VPS13D: variants seen among roughly 807,000 people sequenced by gnomAD.
VPS13D encodes vacuolar protein sorting 13 homolog D.
A neutral mutation model predicts 461.9 loss-of-function variants in VPS13D; 187 were observed. The ratio of observed to expected loss-of-function variants is 0.40; its 90% CI spans 0.36 to 0.46. The LOEUF (loss-of-function observed/expected upper bound fraction) is 0.46. Ranked by LOEUF, VPS13D falls within the 20% of genes least tolerant of loss-of-function variation. The pLI is 0.60. For synonymous variants in VPS13D, 1,951 were observed against 1,986.3 expected (o/e 0.98, Z 0.47); for missense variants, 4,711 against 5,364.9 (o/e 0.88, Z 3.81).
Position 12,363,220 on chromosome 1 carries a change from A to G in VPS13D, c.10421A>G (p.Lys3474Arg), listed in dbSNP as rs145226038. The G allele has an allele frequency of 2.5e-6, 4 of 1,614,232 alleles. No homozygotes were observed. Among genetic ancestry groups the G allele is most frequent in the Non-Finnish European group, 3.4e-6 (4 of 1,180,036 alleles). ...TGGTCTGGAGGCTTTGAAGTCAACA[A>G]GAATAATTCCTTCCATATCAACATG... ...CIWSGGFEVN[K>R]NNSFHINMRD... is the part of the protein sequence containing the mutation. The change falls in exon 52 of 70, where the codon AAG (lysine) becomes AGG (arginine). Residue 3474 changes from lysine (K) to arginine (R), a missense_variant. Coordinates refer to ENST00000620676, the MANE Select transcript of VPS13D (RefSeq NM_015378.4).
intron 20 of VPS13D, among the ~76,000 whole-genome samples, chr1:12,280,920 A>G (rs1259273764): frequency 6.6e-6 from 1 of 151,896 alleles, no homozygotes; most frequent in Non-Finnish European, 1.5e-5. Flanking sequence ...ATAATTGATT[A>G]GTAATTAATT....
At chr1:12,374,793 A>T (rs1644175208) in intron 55 of VPS13D, among the ~76,000 whole-genome samples, 1 of 152,140 alleles carries the variant, frequency 6.6e-6, no homozygotes. Flanking sequence ...GCTGGAGTGC[A>T]ATGGCATGAT....
chr1:12,487,384 G>A (rs1438758410), intron 67 of VPS13D, among the ~76,000 whole-genome samples: 1 of 152,100 alleles, frequency 6.6e-6, no homozygotes, highest in Non-Finnish European at 1.5e-5. Context: ...GCCGAGGTGG[G>A]CGGATCACAA....
At chr1:12,235,813 T>C (rs991494236) in intron 2 of VPS13D, among the ~76,000 whole-genome samples, 11 of 152,292 alleles carry the variant, frequency 7.2e-5, no homozygotes, top group African/African-American at 2.6e-4. Context: ...CAAGTTCACC[T>C]CTCTGGTCTC....
chr1:12,322,113 T>C (rs1003278489), intron 33 of VPS13D, 149 bp downstream of exon 33: 25 of 947,274 alleles, frequency 2.6e-5, no homozygotes, highest in South Asian at 1.8e-4. Context: ...TCGCCCAGGC[T>C]GGAGTGCAGT....
intron 6 of VPS13D, among the ~76,000 whole-genome samples, chr1:12,252,591 A>G (rs1640769884): frequency 1.3e-5 from 2 of 151,164 alleles, no homozygotes; most frequent in South Asian, 4.2e-4. Context: ...GGGAAACATG[A>G]TGAAACCCCA....
rs968851505 is a variant in VPS13D, at chr1:12,244,339, C to T, written c.269C>T (p.Ala90Val). The stretch of plus-strand genomic sequence containing the variant: ...ATCTCCAGCCTTCACTTAATTGGAG[C>T]CCCAGAGAAAATACAGGATTTCAAT... ...ISISSLHLIGAPEKIQDFNDE... is the reference protein window; with the variant it reads ...ISISSLHLIGVPEKIQDFNDE... Residue 90 changes from alanine (A) to valine (V), a missense_variant, in exon 4 of 70, where the codon GCC (alanine) becomes GTC (valine). By Grantham distance (64) the Ala-to-Val change is moderately conservative. Coordinates refer to ENST00000620676, the MANE Select transcript of VPS13D (RefSeq NM_015378.4). 5.0e-6 allele frequency: 8 copies of T among 1,614,116 alleles called. No homozygotes were observed. The highest frequency in any genetic ancestry group is 6.8e-6 in the Non-Finnish European group (8 of 1,180,026).
intron 60 of VPS13D, among the ~76,000 whole-genome samples, chr1:12,399,198 ATTTTTTTT>A (rs887369242): frequency 2.1e-5 from 3 of 141,470 alleles, no homozygotes; most frequent in Non-Finnish European, 4.7e-5. Context: ...CAAATAGTTG[ATTTTTTTT>A]TTTTTTTTGA....
chr1:12,292,225 C>A (rs1261785246), intron 23 of VPS13D, among the ~76,000 whole-genome samples: 3 of 141,726 alleles, frequency 2.1e-5, no homozygotes, highest in Admixed American at 1.5e-4. Context: ...TGCCACTGCA[C>A]CACTCCAGCC....
chr1:12,461,636 C>T (rs1233077271), intron 67 of VPS13D, among the ~76,000 whole-genome samples: 3 of 152,102 alleles, frequency 2.0e-5, no homozygotes, highest in Non-Finnish European at 4.4e-5. Flanking sequence ...CCAAGAAGTC[C>T]ACCTCCAGTA....
chr1:12,309,267 G>A (rs1365686269), intron 27 of VPS13D, among the ~76,000 whole-genome samples: 1 of 142,498 alleles, frequency 7.0e-6, no homozygotes, highest in Non-Finnish European at 1.5e-5. Context: ...CTGGAGTATA[G>A]TGGCGAGATC....
Position 12,319,757 on chromosome 1 carries a change from C to G in VPS13D, c.7548+127C>G, listed in dbSNP as rs114095707. ...AATGAAATTGGAAGACCCTTGCCCT[C>G]TTTTCCTCTTTGTTTTCTCCCCAAA... is the stretch of plus-strand genomic sequence containing the variant. On this transcript the variant is annotated intron_variant, in intron 32 of 69. Transcript: ENST00000620676. 24,203 of 1,359,944 alleles carry G rather than the reference C, an allele frequency of 0.018. 327 individuals are homozygous for G. The highest frequency in any genetic ancestry group is 0.062 in the African/African-American group (4,271 of 68,570). The allele number at this position is 1,359,944 out of a possible 1,614,324, so 84.2% of individuals were successfully genotyped here.
intron 65 of VPS13D, among the ~76,000 whole-genome samples, chr1:12,451,944 G>T (rs548106397): frequency 9.2e-5 from 14 of 152,200 alleles, no homozygotes; most frequent in Non-Finnish European, 1.8e-4. Context: ...TCTTTGTAGG[G>T]AATATTTGTA....
rs139415957 is a variant in VPS13D, at chr1:12,397,902, A to G, written c.11635-2279A>G. ...GGAAGGAAGGACTTGCCCACATTTT[A>G]GAAACAATAAGGAGGCTCAGGTGAG... On this transcript the variant is annotated intron_variant, in intron 60 of 69. Transcript: ENST00000620676. 1.1e-3 allele frequency among the ~76,000 whole-genome samples: 162 copies of G among 152,316 alleles called. 1 individual carries two copies. The East Asian group carries it at 0.019, about 18-fold the overall frequency.
chr1:12,277,447 A>G lies in VPS13D; in HGVS notation c.3859A>G (p.Lys1287Glu). The part of the protein sequence containing the change: ...RSKQECFLNL[K>E]MASLHYNHSA... ...TAAACAGGAGTGTTTTCTCAACCTG[A>G]AGATGGCTTCTTTACATTATAACCA... Residue 1287 changes from lysine to glutamate, a missense_variant, in exon 19 of 70, where the codon AAG becomes GAG. Transcript: ENST00000620676. 1 of 1,614,216 alleles carries G rather than the reference A, an allele frequency of 6.2e-7. No homozygotes were observed. The highest frequency in any genetic ancestry group is 8.5e-7 in the Non-Finnish European group (1 of 1,180,042).
At chr1:12,437,242 T>C (rs1483631134) in intron 65 of VPS13D, among the ~76,000 whole-genome samples, 1 of 152,128 alleles carries the variant, frequency 6.6e-6, no homozygotes, top group African/African-American at 2.4e-5. Flanking sequence ...GCATTTCTCA[T>C]TAACCTAATA....
At chr1:12,324,545 C>T (rs528604937) in intron 35 of VPS13D, among the ~76,000 whole-genome samples, 2 of 152,232 alleles carry the variant, frequency 1.3e-5, no homozygotes, top group South Asian at 2.1e-4. Context: ...GGGTTCAGAT[C>T]CTTACTGTCT....
intron 18 of VPS13D, among the ~76,000 whole-genome samples, chr1:12,273,733 C>G (rs1171491192): frequency 6.6e-6 from 1 of 152,134 alleles, no homozygotes; most frequent in Non-Finnish European, 1.5e-5. Flanking sequence ...CCGATACTTC[C>G]TTCCTTCGTA....
chr1:12,282,818 T>C lies in VPS13D; in HGVS notation c.4716T>C (p.Asp1572=). ...GTGCTACCTCCTCCCCTTGCCCTGA[T>C]TCTCCTCTGCCTCCCCTCAGTACCT... The part of the protein sequence containing the change: ...PASATSSPCP[D]SPLPPLSTCG... The change falls in exon 21 of 70, where the codon GAT becomes GAC. Residue 1572 remains aspartate, a synonymous_variant. Transcript: ENST00000620676. 6.2e-7 allele frequency: 1 copy of C among 1,614,184 alleles called. No individual in the cohort carries two copies.
Sources: allele counts gnomAD v4.1 joint callset (sites outside exome capture counted in the v4.1 genomes callset), GRCh38; gene constraint gnomAD v4.1.1; transcripts MANE v1.5; gene names NCBI Gene and HGNC (gene_info 2026-07-23, HGNC 2026-07-21).